Variants in BRINP3 observed in about 807,000 individuals in gnomAD.
BRINP3 encodes BMP/retinoic acid-inducible neural-specific protein 3.
A neutral mutation model predicts 71.0 loss-of-function variants in BRINP3; 19 were observed. The ratio of observed to expected loss-of-function variants is 0.27; its 90% CI spans 0.19 to 0.39. The LOEUF (loss-of-function observed/expected upper bound fraction) is 0.39. Ranked by LOEUF, BRINP3 falls within the 10% of genes least tolerant of loss-of-function variation. BRINP3 has a pLI of 1.00. For missense variants in BRINP3, 959 were observed against 940.8 expected (o/e 1.02, Z -0.25); for synonymous variants, 380 against 337.7 (o/e 1.13, Z -1.37).
At chr1:190,447,222 ATC>A (rs1380185422) in intron 2 of BRINP3, among the ~76,000 whole-genome samples, 1 of 150,324 alleles carries the variant, frequency 6.7e-6, no homozygotes, top group African/African-American at 2.4e-5. Flanking sequence ...TTTAATTTCA[ATC>A]TCTTTTCCTT....
At chr1:190,253,962 T>A (rs1660402175) in intron 4 of BRINP3, among the ~76,000 whole-genome samples, 1 of 152,160 alleles carries the variant, frequency 6.6e-6, no homozygotes, top group Non-Finnish European at 1.5e-5. Flanking sequence ...AAGGAAGGGA[T>A]CCAGTTTCAT....
chr1:190,225,050 C>A (rs1348487536), intron 6 of BRINP3, among the ~76,000 whole-genome samples: 1 of 151,828 alleles, frequency 6.6e-6, no homozygotes, highest in Non-Finnish European at 1.5e-5. Flanking sequence ...TTAGTAGAGC[C>A]ACTAAGGAGA....
chr1:190,301,698 T>C (rs1042344682), intron 2 of BRINP3, among the ~76,000 whole-genome samples: 6 of 151,954 alleles, frequency 3.9e-5, no homozygotes, highest in African/African-American at 1.4e-4. Flanking sequence ...TTCTGTGTAA[T>C]TACATAACTA....
At chr1:190,261,396 T>G (rs1471091234) in intron 4 of BRINP3, among the ~76,000 whole-genome samples, 2 of 149,412 alleles carry the variant, frequency 1.3e-5, no homozygotes, top group African/African-American at 4.9e-5. Flanking sequence ...AGCAATTAAT[T>G]AAGCTATGGA....
intron 4 of BRINP3, among the ~76,000 whole-genome samples, chr1:190,235,015 T>C (rs937658484): frequency 6.6e-6 from 1 of 152,132 alleles, no homozygotes; most frequent in Non-Finnish European, 1.5e-5. Flanking sequence ...CCTGTTCAGT[T>C]TGACATTCAT....
chr1:190,313,214 G>A (rs924760038), intron 2 of BRINP3, among the ~76,000 whole-genome samples: 6 of 151,912 alleles, frequency 3.9e-5, no homozygotes, highest in Admixed American at 3.3e-4. Flanking sequence ...GGTACCTGCA[G>A]ATTTTTATGC....
chr1:190,285,613 A>T (rs1571631758), intron 2 of BRINP3, among the ~76,000 whole-genome samples: 1 of 152,130 alleles, frequency 6.6e-6, no homozygotes, highest in South Asian at 2.1e-4. Context: ...TTCTAGTAGT[A>T]TAATCTAGTA....
At chr1:190,419,804 A>C (rs1224143600) in intron 2 of BRINP3, among the ~76,000 whole-genome samples, 1 of 151,880 alleles carries the variant, frequency 6.6e-6, no homozygotes, top group African/African-American at 2.4e-5. Flanking sequence ...CAGAATGTTA[A>C]AGCAAAATAC....
chr1:190,465,063 T>A (rs1354696422), intron 1 of BRINP3, among the ~76,000 whole-genome samples: 2 of 151,960 alleles, frequency 1.3e-5, no homozygotes, highest in Non-Finnish European at 2.9e-5. Flanking sequence ...GAAGGTAAGT[T>A]CCATTCCTTA....
At chr1:190,280,432 G>C (rs1408756561) in intron 3 of BRINP3, among the ~76,000 whole-genome samples, 2 of 151,766 alleles carry the variant, frequency 1.3e-5, no homozygotes, top group African/African-American at 2.4e-5. Context: ...TAAAAGAGCT[G>C]TGTGGAGAAG....
intron 6 of BRINP3, among the ~76,000 whole-genome samples, chr1:190,218,233 C>G (rs1188504846): frequency 1.3e-5 from 2 of 151,932 alleles, no homozygotes; most frequent in Middle Eastern, 3.4e-3. Flanking sequence ...CATCATTGCC[C>G]TGATTCATAA....
intron 7 of BRINP3, among the ~76,000 whole-genome samples, chr1:190,110,660 A>ATCC (rs1652587238): frequency 6.6e-6 from 1 of 152,140 alleles, no homozygotes; most frequent in South Asian, 2.1e-4. Context: ...CTGAATCAGG[A>ATCC]TATCTCAGGC....
chr1:190,130,024 T>G (rs1430535167), intron 7 of BRINP3, among the ~76,000 whole-genome samples: 1 of 151,968 alleles, frequency 6.6e-6, no homozygotes, highest in African/African-American at 2.4e-5. Context: ...ACAAAATAAT[T>G]TAGTAGAACC....
intron 7 of BRINP3, among the ~76,000 whole-genome samples, chr1:190,148,591 G>T (rs1013016266): frequency 5.7e-5 from 8 of 139,284 alleles, no homozygotes; most frequent in Non-Finnish European, 9.3e-5. Context: ...TTGAGACTCT[G>T]TCACAAAATA....
intron 6 of BRINP3, among the ~76,000 whole-genome samples, chr1:190,186,486 T>G (rs1390055701): frequency 6.6e-6 from 1 of 152,076 alleles, no homozygotes; most frequent in Non-Finnish European, 1.5e-5. Context: ...AATACGAAAA[T>G]AAAGGCCACA....
intron 2 of BRINP3, among the ~76,000 whole-genome samples, chr1:190,413,957 A>T (rs1032042363): frequency 5.3e-5 from 8 of 152,140 alleles, no homozygotes; most frequent in African/African-American, 1.7e-4. Flanking sequence ...ATTTAAATTT[A>T]AAAAATATTT....
At chr1:190,124,468 C>T (rs1400266610) in intron 7 of BRINP3, among the ~76,000 whole-genome samples, 2 of 152,042 alleles carry the variant, frequency 1.3e-5, no homozygotes, top group Non-Finnish European at 2.9e-5. Context: ...GAGCTGATGG[C>T]AATAACTTAT....
intron 2 of BRINP3, among the ~76,000 whole-genome samples, chr1:190,287,008 C>T (rs1663477899): frequency 1.3e-5 from 2 of 150,928 alleles, no homozygotes; most frequent in Admixed American, 1.3e-4. Flanking sequence ...CACTTCAGGT[C>T]AGGAGTTCGA....
chr1:190,190,088 A>G (rs1653900361), intron 6 of BRINP3, among the ~76,000 whole-genome samples: 1 of 152,120 alleles, frequency 6.6e-6, no homozygotes, highest in African/African-American at 2.4e-5. Flanking sequence ...GTTGGTGATG[A>G]TGAAGGCTGG....
Sources: gnomAD v4.1 joint callset for allele counts (sites outside exome capture counted in the v4.1 genomes callset) on GRCh38, gnomAD v4.1.1 for gene constraint, MANE v1.5 for transcripts, NCBI Gene and HGNC (gene_info 2026-07-23, HGNC 2026-07-21) for gene names.